The following UBA3 variants were observed in gnomAD, a reference collection of about 807,000 sequenced individuals.
UBA3 encodes the protein ubiquitin like modifier activating enzyme 3, also known as NEDD8-activating enzyme E1 catalytic subunit.
A neutral mutation model predicts 73.5 loss-of-function variants in UBA3; 26 were observed. That is an observed-to-expected ratio of 0.35 (90% CI 0.26 to 0.49). The LOEUF is 0.49. Ranked by LOEUF, UBA3 falls within the 20% of genes least tolerant of loss-of-function variation. The pLI, the probability that UBA3 is intolerant of heterozygous loss-of-function variation, is 0.98. For missense variants in UBA3, 495 were observed against 555.6 expected (o/e 0.89, Z 1.10); for synonymous variants, 217 against 191.2 (o/e 1.13, Z -1.11).
At chr3:69,067,868 T>A in intron 6 of UBA3, 60 bp downstream of exon 6, 1 of 1,321,460 alleles carries the variant, frequency 7.6e-7, no homozygotes, top group Non-Finnish European at 1.1e-6. Context: ...TAAATATCTC[T>A]TATAATAAAG....
intron 4 of UBA3, among the ~76,000 whole-genome samples, chr3:69,073,603 A>G (rs2092139586): frequency 1.3e-5 from 2 of 152,094 alleles, no homozygotes; most frequent in African/African-American, 4.8e-5. Context: ...ATGGAGGCTC[A>G]ATAAATATTT....
At chr3:69,059,127 C>T (rs1047615891) in intron 11 of UBA3, among the ~76,000 whole-genome samples, 6 of 152,080 alleles carry the variant, frequency 3.9e-5, no homozygotes, top group Non-Finnish European at 5.9e-5. Flanking sequence ...GGGGAGATAA[C>T]ACAAAAGTAA....
chr3:69,055,981 TA>T lies in UBA3; in HGVS notation c.1248+18del. On this transcript the variant is annotated intron_variant, in intron 16 of 17. Coordinates refer to ENST00000361055, the MANE Select transcript of UBA3 (RefSeq NM_003968.4). ...TTGATATAATTTTCTGAAAAAAATT[TA>T]AAATACACATTGATAACCTGTAAGT... is the stretch of plus-strand genomic sequence containing the variant. The T allele has an allele frequency of 6.2e-7, 1 of 1,601,450 alleles. No homozygotes were observed. The highest frequency in any genetic ancestry group is 8.5e-7 in the Non-Finnish European group (1 of 1,175,238).
rs982339529 is a variant in UBA3, at chr3:69,077,682, T to G, written c.183+116A>C. 45 of 1,196,840 alleles carry G rather than the reference T, an allele frequency of 3.8e-5. No individual in the cohort carries two copies. The African/African-American group carries it at 6.2e-4, about 17-fold the overall frequency. The allele number at this position is 1,196,840 out of a possible 1,614,324, so 74.1% of individuals were successfully genotyped here. A position where few individuals can be genotyped will look rare whatever the true frequency, so the allele number is the denominator to read the frequency against. On this transcript the variant is annotated intron_variant, in intron 3 of 17. Coordinates refer to ENST00000361055, the MANE Select transcript of UBA3 (RefSeq NM_003968.4). The stretch of plus-strand genomic sequence containing the variant: ...CTCATATTTTAAGAAAAATTTAGTT[T>G]CACAAAACAATTTTATTAGTATTTT...
intron 6 of UBA3, 89 bp from the exon 7 acceptor site, chr3:69,064,200 T>C (rs2092047814): frequency 1.0e-6 from 1 of 995,840 alleles, no homozygotes; most frequent in South Asian, 1.7e-5. Flanking sequence ...CTGCATATAT[T>C]TACAACAAGA....
chr3:69,055,955 CTT>C lies in UBA3; in HGVS notation c.1248+43_1248+44del, dbSNP rs776276572. On this transcript the variant is annotated intron_variant, in intron 16 of 17. Transcript: ENST00000361055. ...TAAGACACATTAAAGTAAAATAAAA[CTT>C]GATATAATTTTCTGAAAAAAATTTA... The C allele has an allele frequency of 6.3e-6, 10 of 1,592,210 alleles. No individual in the cohort carries two copies. The East Asian group carries it at 1.3e-4, about 21-fold the overall frequency.
At position 69,062,111 on chromosome 3, in the gene UBA3, C is replaced by A. The variant is rs1159245058; in HGVS notation, c.762G>T (p.Arg254Ser). ...GCTGCTCCTTAGGCCACTGCAACAT[C>A]CTTACATACTCAATACAGTGTTCTG... ...RLPEHCIEYV[R>S]MLQWPKEQPF... is the part of the protein sequence containing the mutation. Residue 254 changes from arginine to serine, a missense_variant, in exon 10 of 18, where the codon AGG (arginine) becomes AGT (serine). By Grantham distance (110) the Arg-to-Ser change is moderately radical (BLOSUM62 -1). Transcript: ENST00000361055. 6.2e-7 allele frequency: 1 copy of A among 1,613,556 alleles called. No homozygotes were observed. The highest frequency in any genetic ancestry group is 1.7e-5 in the Admixed American group (1 of 60,012).
Position 69,056,792 on chromosome 3 carries a change from T to TA in UBA3, c.987dup (p.Lys330Ter). 6.2e-7 allele frequency: 1 copy of TA among 1,613,060 alleles called. No homozygotes were observed. The highest frequency in any genetic ancestry group is 8.5e-7 in the Non-Finnish European group (1 of 1,179,606). ...GAAACCTATTACCTTGTGGCTATTT[T>TA]AAAAACCTCAGTGGCACACACAGCT... On this transcript the variant is annotated frameshift_variant, in exon 13 of 18. Coordinates refer to ENST00000361055, the MANE Select transcript of UBA3 (RefSeq NM_003968.4). LOFTEE classifies it high-confidence loss of function.
At chr3:69,069,332 T>G (rs1395138886) in intron 5 of UBA3, among the ~76,000 whole-genome samples, 1 of 152,214 alleles carries the variant, frequency 6.6e-6, no homozygotes, top group Non-Finnish European at 1.5e-5. Flanking sequence ...TCTTTTCTTT[T>G]TTTTTGTTTG....
At chr3:69,078,566 T>C (rs1271099695) in intron 2 of UBA3, among the ~76,000 whole-genome samples, 4 of 152,182 alleles carry the variant, frequency 2.6e-5, no homozygotes, top group South Asian at 2.1e-4. Context: ...CTTGCCCTCC[T>C]GGGCTCAAGT....
At chr3:69,057,664 TAAGAA>T (rs2091985563) in intron 11 of UBA3, among the ~76,000 whole-genome samples, 1 of 152,162 alleles carries the variant, frequency 6.6e-6, no homozygotes, top group African/African-American at 2.4e-5. Context: ...ATTTTAAACA[TAAGAA>T]AAGTGAGACT....
At position 69,057,278 on chromosome 3, in the gene UBA3, A is replaced by C; in HGVS notation, c.942T>G (p.Ala314=). 1.9e-6 allele frequency: 3 copies of C among 1,612,002 alleles called. No individual in the cohort carries two copies. Among genetic ancestry groups the C allele is most frequent in the Non-Finnish European group, 2.5e-6 (3 of 1,179,480 alleles). ...CACCTGCAATGACTGCATTTGTGGA[A>C]GCTACTGCAGGAATGATTCTTTTTA... ...GVVKRIIPAV[A]STNAVIAAVC... Residue 314 remains alanine, a synonymous_variant, in exon 12 of 18, where the codon GCT becomes GCG. Transcript: ENST00000361055.
At chr3:69,073,788 AC>A (rs1264192765) in intron 4 of UBA3, among the ~76,000 whole-genome samples, 4 of 145,666 alleles carry the variant, frequency 2.7e-5, no homozygotes, top group Non-Finnish European at 6.3e-5. Context: ...GGCACCTGCC[AC>A]CACGCCCGGC....
chr3:69,056,747 T>C, intron 13 of UBA3, 32 bp downstream of exon 13: 1 of 1,611,394 alleles, frequency 6.2e-7, no homozygotes, highest in Non-Finnish European at 8.5e-7. Flanking sequence ...AAAACATAAA[T>C]TTACATGCAT....
intron 3 of UBA3, among the ~76,000 whole-genome samples, chr3:69,076,961 C>T (rs1488809152): frequency 6.6e-6 from 1 of 151,640 alleles, no homozygotes. Context: ...ATATAAAACT[C>T]TTAGAAAATT....
In UBA3 at chr3:69,055,491, A is replaced by G; in HGVS notation, c.1338T>C (p.Val446=). 6.3e-7 allele frequency: 1 copy of G among 1,576,948 alleles called. No individual in the cohort carries two copies. Among genetic ancestry groups the G allele is most frequent in the South Asian group, 1.2e-5 (1 of 82,868 alleles). ...LGLVDGQELA[V]ADVTTPQTVL... is the part of the protein sequence containing the mutation. Reference sequence around the variant, plus strand: ...CAGTCTGTGGGGTGGTGACATCAGCAACCGCCAGTTCTTGTCCATCAACAA... The same window carrying G: ...CAGTCTGTGGGGTGGTGACATCAGCGACCGCCAGTTCTTGTCCATCAACAA... Residue 446 remains valine, a synonymous_variant, in exon 18 of 18, where the codon GTT becomes GTC. Coordinates refer to ENST00000361055, the MANE Select transcript of UBA3 (RefSeq NM_003968.4).
In UBA3 at chr3:69,062,142, C is replaced by G; in HGVS notation, c.731G>C (p.Arg244Thr). Residue 244 changes from arginine to threonine, a missense_variant, in exon 10 of 18, where the codon AGG (arginine) becomes ACG (threonine). By Grantham distance (71) the Arg-to-Thr change is moderately conservative. Transcript: ENST00000361055. The part of the protein sequence containing the change: ...FPMCTIASMP[R>T]LPEHCIEYVR... Reference sequence around the variant, plus strand: ...ATACTCAATACAGTGTTCTGGTAGCCTGGGCATAGATGCAATGGTGCACAT... The same window carrying G: ...ATACTCAATACAGTGTTCTGGTAGCGTGGGCATAGATGCAATGGTGCACAT... 6.2e-7 allele frequency: 1 copy of G among 1,613,708 alleles called. No homozygotes were observed. The highest frequency in any genetic ancestry group is 8.5e-7 in the Non-Finnish European group (1 of 1,179,756).
At chr3:69,062,480 C>G (rs1265750933) in intron 9 of UBA3, among the ~76,000 whole-genome samples, 1 of 152,114 alleles carries the variant, frequency 6.6e-6, no homozygotes, top group Non-Finnish European at 1.5e-5. Flanking sequence ...GTTATTTTTA[C>G]CTAATATTTA....
intron 3 of UBA3, among the ~76,000 whole-genome samples, chr3:69,077,181 T>C (rs1415778732): frequency 6.6e-6 from 1 of 151,826 alleles, no homozygotes; most frequent in Non-Finnish European, 1.5e-5. Context: ...CATGAGACAC[T>C]GGGCCAAACC....
Sources: allele counts gnomAD v4.1 joint callset (sites outside exome capture counted in the v4.1 genomes callset), GRCh38; gene constraint gnomAD v4.1.1; transcripts MANE v1.5; gene names NCBI Gene and HGNC (gene_info 2026-07-23, HGNC 2026-07-21).